SCARA5: variants seen among roughly 807,000 people sequenced by gnomAD.
SCARA5 encodes the protein scavenger receptor class A member 5.
SCARA5 carries 45 observed loss-of-function variants against 46.3 expected under a neutral mutation model. The observed-to-expected ratio is 0.97, with a 90% CI of 0.76 to 1.24. The LOEUF (loss-of-function observed/expected upper bound fraction) is 1.24. Ranked by LOEUF, SCARA5 falls within the 50% of genes most tolerant of loss-of-function variation. The probability of loss-of-function intolerance (pLI) is 0.00; values close to 1 mark genes in which losing one functional copy is unlikely to be tolerated. For synonymous variants in SCARA5, 333 were observed against 306.5 expected (o/e 1.09, Z -0.90); for missense variants, 680 against 689.0 (o/e 0.99, Z 0.15).
At chr8:27,975,904 G>T (rs1808516708) in intron 2 of SCARA5, among the ~76,000 whole-genome samples, 1 of 152,106 alleles carries the variant, frequency 6.6e-6, no homozygotes, top group Admixed American at 6.5e-5. Flanking sequence ...GACAGCCAGG[G>T]CTAATTCCAT....
chr8:27,895,840 G>A (rs1056016207), intron 7 of SCARA5, among the ~76,000 whole-genome samples: 5 of 152,322 alleles, frequency 3.3e-5, no homozygotes, highest in South Asian at 2.1e-4. Flanking sequence ...CTCCCCAGCC[G>A]TGCTTCATAT....
At chr8:27,951,571 C>T (rs944787271) in intron 3 of SCARA5, among the ~76,000 whole-genome samples, 4 of 152,196 alleles carry the variant, frequency 2.6e-5, no homozygotes, top group African/African-American at 4.8e-5. Flanking sequence ...TCAGGAGACC[C>T]GAGGCTGGAC....
chr8:27,887,997 C>G (rs886571715), intron 7 of SCARA5, among the ~76,000 whole-genome samples: 2 of 152,220 alleles, frequency 1.3e-5, no homozygotes, highest in East Asian at 3.9e-4. Flanking sequence ...AACCCAGAAC[C>G]AAATGGATTT....
chr8:27,897,765 C>G (rs1807088667), intron 7 of SCARA5, among the ~76,000 whole-genome samples: 1 of 152,264 alleles, frequency 6.6e-6, no homozygotes, highest in African/African-American at 2.4e-5. Flanking sequence ...TAAGGCGTCA[C>G]AGCAGCCACG....
intron 7 of SCARA5, among the ~76,000 whole-genome samples, chr8:27,902,487 G>A (rs866908499): frequency 2.0e-5 from 3 of 152,332 alleles, no homozygotes; most frequent in South Asian, 2.1e-4. Flanking sequence ...CATGGGGAAC[G>A]CCCTGCTGGC....
intron 8 of SCARA5, among the ~76,000 whole-genome samples, chr8:27,874,621 T>G (rs976551596): frequency 6.6e-6 from 1 of 152,262 alleles, no homozygotes; most frequent in African/African-American, 2.4e-5. Flanking sequence ...TATCCAGCAC[T>G]TTATGGAAAA....
chr8:27,972,887 G>A (rs1171072395), intron 2 of SCARA5, among the ~76,000 whole-genome samples: 2 of 152,024 alleles, frequency 1.3e-5, no homozygotes, highest in Non-Finnish European at 2.9e-5. Context: ...GTTCTAGAAG[G>A]TAGTATATTA....
At chr8:27,916,658 C>A (rs1807466183) in intron 4 of SCARA5, among the ~76,000 whole-genome samples, 1 of 152,162 alleles carries the variant, frequency 6.6e-6, no homozygotes. Context: ...CCTGTTAAGG[C>A]TGCATGGTAA....
At chr8:27,941,971 C>G (rs371175218) in intron 3 of SCARA5, among the ~76,000 whole-genome samples, 23 of 151,946 alleles carry the variant, frequency 1.5e-4, no homozygotes, top group East Asian at 7.7e-4. Context: ...GGATTACAGG[C>G]GTGCACCTTC....
rs555122050 is a variant in SCARA5 at position 27,871,781 on chromosome 8, G to A, written c.*153C>T. On this transcript the variant is annotated 3_prime_UTR_variant, in exon 9 of 9. Transcript: ENST00000354914. ...CATGTTCAAGAGGGAAATGACGACC[G>A]GCCCCCACGGTCCTGGGATGCAGGT... 65 of 1,477,412 alleles carry A rather than the reference G, an allele frequency of 4.4e-5. No individual in the cohort carries two copies. The highest frequency in any genetic ancestry group is 9.8e-5 in the African/African-American group (7 of 71,294). The allele number at this position is 1,477,412 out of a possible 1,614,324, so 91.5% of individuals were successfully genotyped here.
At chr8:27,894,585 T>A (rs1438710837) in intron 7 of SCARA5, among the ~76,000 whole-genome samples, 1 of 152,156 alleles carries the variant, frequency 6.6e-6, no homozygotes, top group African/African-American at 2.4e-5. Context: ...GCTGAGAAGC[T>A]CTGTGGGAGA....
chr8:27,911,308 C>T (rs1045377998), intron 4 of SCARA5, among the ~76,000 whole-genome samples: 1 of 152,164 alleles, frequency 6.6e-6, no homozygotes, highest in African/African-American at 2.4e-5. Flanking sequence ...TTGCCAGCTT[C>T]CTGAGACAGG....
intron 2 of SCARA5, among the ~76,000 whole-genome samples, chr8:27,984,274 G>A (rs1485196550): frequency 6.6e-6 from 1 of 152,152 alleles, no homozygotes; most frequent in Non-Finnish European, 1.5e-5. Flanking sequence ...AAGGAAAAGG[G>A]GGAAAAATCA....
chr8:27,899,007 C>T (rs564114519), intron 7 of SCARA5, among the ~76,000 whole-genome samples: 1 of 152,332 alleles, frequency 6.6e-6, no homozygotes, highest in African/African-American at 2.4e-5. Flanking sequence ...CCCTCTGTTC[C>T]CGAGTTGTGT....
chr8:27,896,790 C>T (rs1208921727), intron 7 of SCARA5, among the ~76,000 whole-genome samples: 1 of 152,140 alleles, frequency 6.6e-6, no homozygotes, highest in Non-Finnish European at 1.5e-5. Context: ...CAACAAACGG[C>T]TCCCTAAAGA....
intron 2 of SCARA5, among the ~76,000 whole-genome samples, chr8:27,976,445 C>A (rs982229230): frequency 1.3e-5 from 2 of 152,130 alleles, no homozygotes; most frequent in African/African-American, 2.4e-5. Flanking sequence ...TTGTCAATGA[C>A]AATAAGTCCC....
chr8:27,882,484 G>T (rs1388863060), intron 7 of SCARA5, among the ~76,000 whole-genome samples: 3 of 152,210 alleles, frequency 2.0e-5, no homozygotes, highest in Non-Finnish European at 4.4e-5. Context: ...AGGGAGGAGG[G>T]TGTAGGAGAA....
chr8:27,879,762 G>A lies in SCARA5; in HGVS notation c.1158C>T (p.Gly386=), dbSNP rs776946778. ...EKGDRAGDAS[G]VEAPMMIRLV... Reference sequence around the variant, plus strand: ...GGCGGATCATCATCGGGGCCTCCACGCCACCTGCCGGAGCAGCCAACTGTC... The same window carrying A: ...GGCGGATCATCATCGGGGCCTCCACACCACCTGCCGGAGCAGCCAACTGTC... Residue 386 remains glycine (G), a synonymous_variant, in exon 8 of 9, where the codon GGC becomes GGT. Coordinates refer to ENST00000354914, the MANE Select transcript of SCARA5 (RefSeq NM_173833.6). 2 of 1,612,392 alleles carry A rather than the reference G, an allele frequency of 1.2e-6. No individual in the cohort carries two copies. Among genetic ancestry groups the A allele is most frequent in the Admixed American group, 1.7e-5 (1 of 60,004 alleles).
intron 8 of SCARA5, among the ~76,000 whole-genome samples, chr8:27,878,574 T>A (rs1806760822): frequency 6.6e-6 from 1 of 152,090 alleles, no homozygotes; most frequent in Non-Finnish European, 1.5e-5. Flanking sequence ...GCAACCAAAA[T>A]GATGAAGACT....
Sources: gnomAD v4.1 joint callset for allele counts (sites outside exome capture counted in the v4.1 genomes callset) on GRCh38, gnomAD v4.1.1 for gene constraint, MANE v1.5 for transcripts, NCBI Gene and HGNC (gene_info 2026-07-23, HGNC 2026-07-21) for gene names.